The following PLAG1 variants were observed in gnomAD, a reference collection of about 807,000 sequenced individuals.
The protein encoded by PLAG1 is zinc finger protein PLAG1.
Under a neutral mutation model 35.5 loss-of-function variants are expected in PLAG1, and 7 were observed. The observed-to-expected ratio is 0.20, with a 90% CI of 0.11 to 0.37. The LOEUF is 0.37. PLAG1 is among the 10% of genes least tolerant of loss of function. The pLI is 1.00. For synonymous variants in PLAG1, 229 were observed against 225.4 expected (o/e 1.02, Z -0.14); for missense variants, 454 against 602.8 (o/e 0.75, Z 2.58).
chr8:56,172,570 G>A (rs940549532), intron 2 of PLAG1, among the ~76,000 whole-genome samples: 1 of 152,138 alleles, frequency 6.6e-6, no homozygotes, highest in Non-Finnish European at 1.5e-5. Context: ...GACACGTGTG[G>A]AGTGTTTTCA....
chr8:56,189,149 C>G (rs1439508755), intron 1 of PLAG1, among the ~76,000 whole-genome samples: 1 of 152,206 alleles, frequency 6.6e-6, no homozygotes, highest in African/African-American at 2.4e-5. Flanking sequence ...AGAGGAAGGG[C>G]AGGAGGAGAG....
chr8:56,171,982 G>C (rs558019670), intron 2 of PLAG1, among the ~76,000 whole-genome samples: 2 of 152,262 alleles, frequency 1.3e-5, no homozygotes, highest in African/African-American at 4.8e-5. Context: ...AAGAATAACG[G>C]TCAAAAGGCA....
chr8:56,168,723 A>G (rs1811427911), intron 3 of PLAG1, among the ~76,000 whole-genome samples: 1 of 152,230 alleles, frequency 6.6e-6, no homozygotes, highest in African/African-American at 2.4e-5. Flanking sequence ...AATTTTTACA[A>G]AAGATCAGAG....
intron 3 of PLAG1, among the ~76,000 whole-genome samples, chr8:56,170,276 C>A (rs527870816): frequency 6.6e-6 from 1 of 152,292 alleles, no homozygotes; most frequent in Admixed American, 6.5e-5. Flanking sequence ...TAACACAATG[C>A]AACTGACATT....
At chr8:56,177,089 CT>C (rs141982161) in intron 2 of PLAG1, among the ~76,000 whole-genome samples, 2,075 of 152,212 alleles carry the variant, frequency 0.014, 51 homozygotes, top group African/African-American at 0.048. Flanking sequence ...TTGTACTTAT[CT>C]ATAAAAGCTC....
chr8:56,192,329 G>T (rs1352868159), intron 1 of PLAG1, among the ~76,000 whole-genome samples: 1 of 152,198 alleles, frequency 6.6e-6, no homozygotes, highest in African/African-American at 2.4e-5. Flanking sequence ...ATTCATGCAT[G>T]AGGTCATTCA....
chr8:56,167,053 A>G lies in PLAG1; in HGVS notation c.693T>C (p.His231=), dbSNP rs764949399. 6.2e-7 allele frequency: 1 copy of G among 1,614,120 alleles called. No individual in the cohort carries two copies. The highest frequency in any genetic ancestry group is 1.7e-5 in the Admixed American group (1 of 60,002). The part of the protein sequence containing the change: ...RFGRKDHLTR[H]MKKSHNQELL... ...GCTCTTGATTGTGACTCTTCTTCAT[A>G]TGTCGAGTCAGGTGATCCTTTCGCC... is the stretch of plus-strand genomic sequence containing the variant. Residue 231 remains histidine, a synonymous_variant, in exon 5 of 5, where the codon CAT becomes CAC. Coordinates refer to ENST00000316981, the MANE Select transcript of PLAG1 (RefSeq NM_002655.3). This position sits in a 1 kb window ranked among gnomAD's most constrained non-coding sequence, Gnocchi z 5.9.
intron 1 of PLAG1, among the ~76,000 whole-genome samples, chr8:56,201,697 C>T (rs538318329): frequency 5.5e-4 from 83 of 152,240 alleles, no homozygotes; most frequent in Admixed American, 1.3e-3. Flanking sequence ...AACAGAATTC[C>T]TTCTGAAATC....
chr8:56,200,413 C>A (rs1475304457), intron 1 of PLAG1, among the ~76,000 whole-genome samples: 1 of 152,236 alleles, frequency 6.6e-6, no homozygotes, highest in Non-Finnish European at 1.5e-5. Context: ...CCGGAGACCT[C>A]TGCGTGCAGC....
chr8:56,191,951 A>C (rs908068813), intron 1 of PLAG1, among the ~76,000 whole-genome samples: 2 of 152,218 alleles, frequency 1.3e-5, no homozygotes, highest in Admixed American at 1.3e-4. Context: ...AGGCAAAACG[A>C]TAACAAGTTG....
At position 56,180,152 on chromosome 8, in the gene PLAG1, G is replaced by A. The variant is rs115068084; in HGVS notation, c.-321-639C>T. ...TCTGAAGTATTCAATGTTTGCATCC[G>A]TCTGTTGGTGCAGGTTATGAAGACT... On this transcript the variant is annotated intron_variant, in intron 1 of 4. Coordinates refer to ENST00000316981, the MANE Select transcript of PLAG1 (RefSeq NM_002655.3). 2.6e-3 allele frequency among the ~76,000 whole-genome samples: 395 copies of A among 152,310 alleles called. 4 individuals carry two copies. Among genetic ancestry groups the A allele is most frequent in the African/African-American group, 8.5e-3 (352 of 41,574 alleles).
Position 56,168,330 on chromosome 8 carries a change from T to C in PLAG1, c.-61A>G. 3 of 1,499,204 alleles carry C rather than the reference T, an allele frequency of 2.0e-6. No individual in the cohort carries two copies. The highest frequency in any genetic ancestry group is 1.8e-6 in the Non-Finnish European group (2 of 1,120,714). The allele number at this position is 1,499,204 out of a possible 1,614,324, so 92.9% of individuals were successfully genotyped here. On this transcript the variant is annotated 5_prime_UTR_variant, in exon 4 of 5. The change creates a new upstream start codon in the 5' untranslated region. Transcript: ENST00000316981. ...GGAACTGCCCAACTCCACTAAATGA[T>C]ATAGCTTTAGGTGGCTTCTCAAGTT...
rs572083389 is a variant in PLAG1 at position 56,171,958 on chromosome 8, C to T, written c.-216-769G>A. 1.1e-4 allele frequency among the ~76,000 whole-genome samples: 16 copies of T among 152,110 alleles called. No individual in the cohort carries two copies. The South Asian group carries it at 3.1e-3, about 30-fold the overall frequency. On this transcript the variant is annotated intron_variant, in intron 2 of 4. Coordinates refer to ENST00000316981, the MANE Select transcript of PLAG1 (RefSeq NM_002655.3). ...AACAATCTGTTAATTCTTGATCGTA[C>T]AAGTAAACATGAAAAGAATAACGGT...
chr8:56,173,737 C>T (rs1358939417), intron 2 of PLAG1, among the ~76,000 whole-genome samples: 1 of 152,016 alleles, frequency 6.6e-6, no homozygotes, highest in African/African-American at 2.4e-5. Flanking sequence ...TTCAGAATAC[C>T]CTTCTAGTTT....
chr8:56,190,974 T>C (rs1480733011), intron 1 of PLAG1, among the ~76,000 whole-genome samples: 2 of 152,136 alleles, frequency 1.3e-5, no homozygotes, highest in Non-Finnish European at 2.9e-5. Flanking sequence ...ATGGGAAATG[T>C]GGCTTGACGT....
chr8:56,175,056 T>C (rs1232566405), intron 2 of PLAG1, among the ~76,000 whole-genome samples: 2 of 152,174 alleles, frequency 1.3e-5, no homozygotes, highest in African/African-American at 4.8e-5. Context: ...TCAAAGATAA[T>C]GTAGTATGAA....
chr8:56,179,510 C>A lies in PLAG1; in HGVS notation c.-318G>T, dbSNP rs1811805049. 1 of 934,088 alleles carries A rather than the reference C, an allele frequency of 1.1e-6. No individual in the cohort carries two copies. The highest frequency in any genetic ancestry group is 5.0e-5 in the South Asian group (1 of 20,174). The allele number at this position is 934,088 out of a possible 1,614,324, so 57.9% of individuals were successfully genotyped here. On this transcript the variant is annotated 5_prime_UTR_variant, in exon 2 of 5. Coordinates refer to ENST00000316981, the MANE Select transcript of PLAG1 (RefSeq NM_002655.3). ...ATACGGCCAAGGCAGCACCAAGAGG[C>A]AACCTAAAAAGAAAAGAAGAGTTAG...
At chr8:56,184,226 C>T (rs1811952101) in intron 1 of PLAG1, among the ~76,000 whole-genome samples, 1 of 152,060 alleles carries the variant, frequency 6.6e-6, no homozygotes, top group Admixed American at 6.5e-5. Flanking sequence ...GGTAAAGGAG[C>T]ACACGAAAAG....
chr8:56,193,849 G>A (rs1812266340), intron 1 of PLAG1, among the ~76,000 whole-genome samples: 1 of 151,904 alleles, frequency 6.6e-6, no homozygotes, highest in Non-Finnish European at 1.5e-5. Flanking sequence ...CTATTCGGTA[G>A]CAGGTACTAC....
Sources: allele counts gnomAD v4.1 joint callset (sites outside exome capture counted in the v4.1 genomes callset), GRCh38; gene constraint gnomAD v4.1.1; non-coding constraint Gnocchi (gnomAD v3.1); transcripts MANE v1.5; gene names NCBI Gene and HGNC (gene_info 2026-07-23, HGNC 2026-07-21).